Variants in ZNF526 observed in about 807,000 individuals in gnomAD.
ZNF526 encodes the protein zinc finger protein 526.
A neutral mutation model predicts 32.4 loss-of-function variants in ZNF526; 16 were observed. The ratio of observed to expected loss-of-function variants is 0.49; its 90% confidence interval spans 0.33 to 0.75. The LOEUF is 0.75. Among genes scored for constraint, ZNF526 ranks in the 30% least tolerant of loss-of-function variants. The probability of loss-of-function intolerance (pLI) is 0.02; values close to 1 mark genes in which losing one functional copy is unlikely to be tolerated. For missense variants in ZNF526, 838 were observed against 920.7 expected (o/e 0.91, Z 1.16); for synonymous variants, 355 against 363.4 (o/e 0.98, Z 0.26).
intron 1 of ZNF526, 22 bp from the exon 2 acceptor site, chr19:42,224,193 G>T: frequency 1.7e-6 from 1 of 584,846 alleles, no homozygotes; most frequent in Admixed American, 2.9e-5. Flanking sequence ...AGGCTGGGCT[G>T]AGTGGTGTTT....
Position 42,225,228 on chromosome 19 carries a change from CGGGGACTGTCCCCA to C in ZNF526, c.827_840del (p.Gly276AlafsTer53). On this transcript the variant is annotated frameshift_variant, in exon 3 of 3. Coordinates refer to ENST00000301215, the MANE Select transcript of ZNF526 (RefSeq NM_133444.3). LOFTEE classifies it high-confidence loss of function. ...CCACAGCTGGCTGGGCTCAGGGCTGCGGGGACTGTCCCCAGCACCAGCCCTCAGCAGGGGCTCGC... is the reference window on the plus strand; with the variant it reads ...CCACAGCTGGCTGGGCTCAGGGCTGCGCACCAGCCCTCAGCAGGGGCTCGC... 1 of 1,614,112 alleles carries C rather than the reference CGGGGACTGTCCCCA, an allele frequency of 6.2e-7. No individual in the cohort carries two copies. Among genetic ancestry groups the C allele is most frequent in the Non-Finnish European group, 8.5e-7 (1 of 1,179,968 alleles).
Position 42,226,270 on chromosome 19 carries a change from A to G in ZNF526, c.1867A>G (p.Ile623Val). ...PPPPPEPQQTIMCTELGETIA... is the reference protein window; with the variant it reads ...PPPPPEPQQTVMCTELGETIA... ...CCCACCTCCAGAGCCTCAACAGACT[A>G]TCATGTGCACAGAGCTGGGGGAGAC... Residue 623 changes from isoleucine to valine, a missense_variant, in exon 3 of 3, where the codon ATC (isoleucine) becomes GTC (valine). By Grantham distance (29) the Ile-to-Val change is conservative. Transcript: ENST00000301215. The G allele has an allele frequency of 1.2e-6, 2 of 1,614,010 alleles. No homozygotes were observed. The highest frequency in any genetic ancestry group is 1.7e-6 in the Non-Finnish European group (2 of 1,180,024).
intron 1 of ZNF526, among the ~76,000 whole-genome samples, chr19:42,223,210 A>G (rs1286922041): frequency 1.3e-5 from 2 of 152,230 alleles, no homozygotes; most frequent in African/African-American, 4.8e-5. Context: ...CTCTCGGTAA[A>G]GAGGCCAGGC....
In ZNF526 at chr19:42,224,382, T is replaced by C. The variant is rs2036151426; in HGVS notation, c.-17-5T>C. 1 of 1,612,732 alleles carries C rather than the reference T, an allele frequency of 6.2e-7. No individual in the cohort carries two copies. The highest frequency in any genetic ancestry group is 8.5e-7 in the Non-Finnish European group (1 of 1,178,830). ...TCTCACTGGCTCCTGCCCCTCTTTCTCCAGGCACTGCCTTCCCCACAATGG... is the reference window on the plus strand; with the variant it reads ...TCTCACTGGCTCCTGCCCCTCTTTCCCCAGGCACTGCCTTCCCCACAATGG... On this transcript the variant is annotated splice_region_variant and splice_polypyrimidine_tract_variant and intron_variant, in intron 2 of 2. Coordinates refer to ENST00000301215, the MANE Select transcript of ZNF526 (RefSeq NM_133444.3).
Position 42,225,150 on chromosome 19 carries a change from G to A in ZNF526, c.747G>A (p.Glu249=), listed in dbSNP as rs963338926. The A allele has an allele frequency of 1.9e-6, 3 of 1,613,592 alleles. No homozygotes were observed. In the Admixed American group the frequency reaches 5.0e-5, roughly 27 times the overall value. ...ATGAAGAAGATGATGAAGAGATGGAGGATGAGGAGGCCATGGCAGAGGTCG... is the reference window on the plus strand; with the variant it reads ...ATGAAGAAGATGATGAAGAGATGGAAGATGAGGAGGCCATGGCAGAGGTCG... ...EEDEEDDEEM[E]DEEAMAEVGD... Residue 249 remains glutamate (E), a synonymous_variant, in exon 3 of 3, where the codon GAG becomes GAA. Coordinates refer to ENST00000301215, the MANE Select transcript of ZNF526 (RefSeq NM_133444.3).
rs775243307 is a variant in ZNF526, at chr19:42,225,846, C to T, written c.1443C>T (p.Phe481=). The change falls in exon 3 of 3, where the codon TTC becomes TTT. Residue 481 remains phenylalanine (F), a synonymous_variant. Transcript: ENST00000301215. The part of the protein sequence containing the change: ...RHRCGVCGKG[F]KKLIHVRNHL... ...GCTGTGGGGTTTGTGGCAAGGGCTT[C>T]AAGAAGCTGATCCACGTGCGCAACC... is the stretch of plus-strand genomic sequence containing the variant. 1 of 1,614,156 alleles carries T rather than the reference C, an allele frequency of 6.2e-7. No individual in the cohort carries two copies. Among genetic ancestry groups the T allele is most frequent in the Middle Eastern group, 1.6e-4 (1 of 6,062 alleles).
Position 42,226,725 on chromosome 19 carries a change from AACCTTCACTGAG to A in ZNF526, c.*310_*321del. The A allele has an allele frequency of 4.1e-6, 2 of 490,230 alleles. No individual in the cohort carries two copies. The highest frequency in any genetic ancestry group is 2.0e-5 in the South Asian group (1 of 48,854). 30.4% of individuals were successfully genotyped at this position (490,230 alleles called of 1,614,324 possible). A position where few individuals can be genotyped will look rare whatever the true frequency, so the allele number is the denominator to read the frequency against. On this transcript the variant is annotated 3_prime_UTR_variant, in exon 3 of 3. Coordinates refer to ENST00000301215, the MANE Select transcript of ZNF526 (RefSeq NM_133444.3). ...ACCCTGGTGCCCAGCAACATCAGGT[AACCTTCACTGAG>A]CACCAAGCTTATGCCAGGTCTGTGC...
intron 1 of ZNF526, among the ~76,000 whole-genome samples, chr19:42,222,007 A>G (rs1284708635): frequency 3.3e-5 from 5 of 151,724 alleles, no homozygotes; most frequent in Non-Finnish European, 7.4e-5. Flanking sequence ...TGTGCTAGAC[A>G]TTGTTCTTGG....
At position 42,226,081 on chromosome 19, in the gene ZNF526, C is replaced by T. The variant is rs1333829763; in HGVS notation, c.1678C>T (p.Pro560Ser). ...GCGGCCAGTCGCCTTTGCCCGCGCC[C>T]CCCGCCTCCCCATCACTGGTCTCTA... ...HLRPVAFARA[P>S]RLPITGLYNK... The change falls in exon 3 of 3, where the codon CCC (proline) becomes TCC (serine). Residue 560 changes from proline to serine, a missense_variant. By Grantham distance (74) the Pro-to-Ser change is moderately conservative. Coordinates refer to ENST00000301215, the MANE Select transcript of ZNF526 (RefSeq NM_133444.3). The T allele has an allele frequency of 3.7e-6, 6 of 1,606,682 alleles. No individual in the cohort carries two copies. Among genetic ancestry groups the T allele is most frequent in the Non-Finnish European group, 4.2e-6 (5 of 1,180,002 alleles).
intron 1 of ZNF526, among the ~76,000 whole-genome samples, chr19:42,222,524 A>G (rs1249887694): frequency 3.3e-5 from 5 of 152,182 alleles, no homozygotes; most frequent in African/African-American, 1.2e-4. Context: ...GGAGGCAGTC[A>G]TTTGTTGAGT....
intron 1 of ZNF526, among the ~76,000 whole-genome samples, chr19:42,221,860 C>T (rs1425456800): frequency 6.6e-6 from 1 of 151,640 alleles, no homozygotes; most frequent in Non-Finnish European, 1.5e-5. Context: ...GTCTCACTTC[C>T]CAAGGGAGGC....
At position 42,226,917 on chromosome 19, in the gene ZNF526, T is replaced by G. The variant is rs2036187074; in HGVS notation, c.*501T>G. Reference sequence around the variant, plus strand: ...TCAATTCTGACAGTGTGGAAGGAAATCTGTAGGTACCCAGGTCCTCAGCTC... The same window carrying G: ...TCAATTCTGACAGTGTGGAAGGAAAGCTGTAGGTACCCAGGTCCTCAGCTC... On this transcript the variant is annotated 3_prime_UTR_variant, in exon 3 of 3. Transcript: ENST00000301215. 1 of 241,486 alleles carries G rather than the reference T, an allele frequency of 4.1e-6. No homozygotes were observed. The highest frequency in any genetic ancestry group is 8.9e-6 in the Non-Finnish European group (1 of 112,678). The allele number at this position is 241,486 out of a possible 1,614,324, so 15.0% of individuals were successfully genotyped here. A position where few individuals can be genotyped will look rare whatever the true frequency, so the allele number is the denominator to read the frequency against.
At chr19:42,221,746 G>A (rs952362413) in intron 1 of ZNF526, among the ~76,000 whole-genome samples, 2 of 151,868 alleles carry the variant, frequency 1.3e-5, no homozygotes, top group Non-Finnish European at 2.9e-5. Context: ...GAGTCCAGGA[G>A]GTGGAGGCCT....
Position 42,225,393 on chromosome 19 carries a change from C to T in ZNF526, c.990C>T (p.Gly330=), listed in dbSNP as rs756752716. 2 of 1,614,014 alleles carry T rather than the reference C, an allele frequency of 1.2e-6. No individual in the cohort carries two copies. Among genetic ancestry groups the T allele is most frequent in the Non-Finnish European group, 1.7e-6 (2 of 1,180,038 alleles). ...LQAHGRAHVG[G]THECTTCSKV... is the part of the protein sequence containing the mutation. Reference sequence around the variant, plus strand: ...CTCATGGGCGGGCCCATGTTGGTGGCACACATGAGTGTACAACCTGCTCCA... The same window carrying T: ...CTCATGGGCGGGCCCATGTTGGTGGTACACATGAGTGTACAACCTGCTCCA... Residue 330 remains glycine (G), a synonymous_variant, in exon 3 of 3, where the codon GGC becomes GGT. Coordinates refer to ENST00000301215, the MANE Select transcript of ZNF526 (RefSeq NM_133444.3).
At position 42,226,386 on chromosome 19, in the gene ZNF526, G is replaced by T. The variant is rs753276632; in HGVS notation, c.1983G>T (p.Gly661=). The T allele has an allele frequency of 1.2e-5, 20 of 1,614,238 alleles. No homozygotes were observed. The Admixed American group carries it at 3.3e-4, about 27-fold the overall frequency. ...QAALGASEAG[G]LLQLDTAFV ...CACTGGGGGCCAGTGAAGCAGGCGG[G>T]CTCTTGCAGTTGGACACGGCCTTCG... Residue 661 remains glycine (G), a synonymous_variant, in exon 3 of 3, where the codon GGG becomes GGT. Coordinates refer to ENST00000301215, the MANE Select transcript of ZNF526 (RefSeq NM_133444.3).
At chr19:42,221,633 CA>C (rs34328050) in intron 1 of ZNF526, among the ~76,000 whole-genome samples, 2 of 151,182 alleles carry the variant, frequency 1.3e-5, no homozygotes, top group African/African-American at 2.4e-5. Flanking sequence ...AACTCTGTCT[CA>C]AAAAAAGTAA....
At position 42,224,100 on chromosome 19, in the gene ZNF526, A is replaced by G. The variant is rs539571726; in HGVS notation, c.-108-115A>G. ...CTTGAACCCAGGAGCGAGAGGTTGC[A>G]GTGAGCCAAGATTGTGCCACTGCAC... On this transcript the variant is annotated intron_variant, in intron 1 of 2. Coordinates refer to ENST00000301215, the MANE Select transcript of ZNF526 (RefSeq NM_133444.3). The G allele has an allele frequency of 1.2e-3, 455 of 370,560 alleles. 8 individuals are homozygous for G. The highest frequency in any genetic ancestry group is 0.01 in the South Asian group (442 of 43,082). 23.0% of individuals were successfully genotyped at this position (370,560 alleles called of 1,614,324 possible).
chr19:42,226,384 G>A lies in ZNF526; in HGVS notation c.1981G>A (p.Gly661Arg), dbSNP rs143303371. 8.9e-5 allele frequency: 143 copies of A among 1,614,214 alleles called. No individual in the cohort carries two copies. The highest frequency in any genetic ancestry group is 8.8e-4 in the African/African-American group (66 of 75,070). Residue 661 changes from glycine (G) to arginine (R), a missense_variant, in exon 3 of 3, where the codon GGG becomes AGG. Coordinates refer to ENST00000301215, the MANE Select transcript of ZNF526 (RefSeq NM_133444.3). ...QAALGASEAG[G>R]LLQLDTAFV ...TGCACTGGGGGCCAGTGAAGCAGGC[G>A]GGCTCTTGCAGTTGGACACGGCCTT...
At position 42,224,261 on chromosome 19, in the gene ZNF526, G is replaced by C; in HGVS notation, c.-62G>C. The C allele has an allele frequency of 2.7e-6, 2 of 743,920 alleles. No individual in the cohort carries two copies. Among genetic ancestry groups the C allele is most frequent in the Non-Finnish European group, 4.7e-6 (2 of 427,390 alleles). 46.1% of individuals were successfully genotyped at this position (743,920 alleles called of 1,614,324 possible). On this transcript the variant is annotated 5_prime_UTR_variant, in exon 2 of 3. Coordinates refer to ENST00000301215, the MANE Select transcript of ZNF526 (RefSeq NM_133444.3). ...GCTTCAGAGACATGGGATCACGGAA[G>C]ACTGAAGCAGAAACAGTGGATTAAG...
Sources: allele counts gnomAD v4.1 joint callset (sites outside exome capture counted in the v4.1 genomes callset), GRCh38; gene constraint gnomAD v4.1.1; transcripts MANE v1.5; gene names NCBI Gene and HGNC (gene_info 2026-07-23, HGNC 2026-07-21).